The following NEK10 variants were observed in gnomAD, a reference collection of about 807,000 sequenced individuals.
The protein encoded by NEK10 is NIMA related kinase 10, also known as serine/threonine-protein kinase Nek10.
In NEK10, 122 loss-of-function variants were observed where a neutral mutation model predicts 159.8. That is an observed-to-expected ratio of 0.76 (90% CI 0.66 to 0.89). The LOEUF (loss-of-function observed/expected upper bound fraction) is 0.89. Among genes scored for constraint, NEK10 ranks in the 40% least tolerant of loss-of-function variants. The pLI, the probability that NEK10 is intolerant of heterozygous loss-of-function variation, is 0.00. For synonymous variants in NEK10, 466 were observed against 457.1 expected, an observed-to-expected ratio of 1.02 and a Z score of -0.25; for missense variants, 1,342 against 1,323.1, an observed-to-expected ratio of 1.01 and a Z score of -0.22.
intron 5 of NEK10, among the ~76,000 whole-genome samples, chr3:27,342,212 T>C (rs2047247125): frequency 1.3e-5 from 2 of 152,062 alleles, no homozygotes; most frequent in South Asian, 2.1e-4. Context: ...ATCTAAGCCT[T>C]CAACCCAACA....
chr3:27,250,228 C>T (rs1955510621), intron 23 of NEK10, among the ~76,000 whole-genome samples: 1 of 151,548 alleles, frequency 6.6e-6, no homozygotes, highest in East Asian at 1.9e-4. Context: ...TCTCTGTCAC[C>T]CAGGCTGGAG....
chr3:27,139,093 T>G (rs894406711), intron 31 of NEK10, among the ~76,000 whole-genome samples: 4 of 152,198 alleles, frequency 2.6e-5, no homozygotes, highest in African/African-American at 4.8e-5. Context: ...TAATCGAAAT[T>G]TAATCGAGCA....
At chr3:27,236,815 G>C (rs1352003976) in intron 23 of NEK10, among the ~76,000 whole-genome samples, 1 of 152,142 alleles carries the variant, frequency 6.6e-6, no homozygotes, top group Non-Finnish European at 1.5e-5. Context: ...GTTCAGCTGT[G>C]CACATATTGT....
At chr3:27,203,359 G>A (rs1056085390) in intron 23 of NEK10, among the ~76,000 whole-genome samples, 3 of 152,168 alleles carry the variant, frequency 2.0e-5, no homozygotes, top group African/African-American at 7.2e-5. Flanking sequence ...TAAATATGTT[G>A]CGGGAAATGA....
At chr3:27,349,689 A>T (rs2047829839) in intron 3 of NEK10, among the ~76,000 whole-genome samples, 2 of 152,294 alleles carry the variant, frequency 1.3e-5, no homozygotes, top group South Asian at 4.1e-4. Context: ...AAATAATCTG[A>T]ATTCCAGGTC....
At chr3:27,138,060 T>C (rs192422216) in intron 31 of NEK10, among the ~76,000 whole-genome samples, 125 of 152,308 alleles carry the variant, frequency 8.2e-4, no homozygotes, top group Non-Finnish European at 1.5e-3. Context: ...TGAAGGAGGA[T>C]GGATCTTGTT....
rs750312932 is a variant in NEK10 at position 27,192,073 on chromosome 3, G to A, written c.2461C>T (p.Arg821Trp). 1.4e-5 allele frequency: 23 copies of A among 1,614,012 alleles called. No individual in the cohort carries two copies. The highest frequency in any genetic ancestry group is 1.0e-4 in the Admixed American group (6 of 59,990). Reference protein sequence around the residue: ...RTQRYFMEANRNTVTCHHELA... With the variant: ...RTQRYFMEANWNTVTCHHELA... ...TCATGGTGACATGTGACGGTGTTCCGGTTGGCTTCCATAAAATACCTTTGT... is the reference window on the plus strand; with the variant it reads ...TCATGGTGACATGTGACGGTGTTCCAGTTGGCTTCCATAAAATACCTTTGT... Residue 821 changes from arginine (R) to tryptophan (W), a missense_variant, in exon 26 of 36, where the codon CGG (arginine) becomes TGG (tryptophan). Coordinates refer to ENST00000691995, the MANE Select transcript of NEK10 (RefSeq NM_001394966.1).
intron 29 of NEK10, among the ~76,000 whole-genome samples, chr3:27,167,554 T>C (rs1404179845): frequency 6.6e-6 from 1 of 152,200 alleles, no homozygotes; most frequent in Non-Finnish European, 1.5e-5. Flanking sequence ...TAAGTTGAAA[T>C]AACATGCTAT....
At chr3:27,210,041 A>G (rs1223217488) in intron 23 of NEK10, among the ~76,000 whole-genome samples, 1 of 151,348 alleles carries the variant, frequency 6.6e-6, no homozygotes, top group Non-Finnish European at 1.5e-5. Flanking sequence ...CTGATAAGAG[A>G]CATTTTACCA....
At position 27,109,378 on chromosome 3, in the gene NEK10, T is replaced by TA. The variant is rs369638958; in HGVS notation, c.*1893dup. Among the ~76,000 whole-genome samples, 43,478 of 117,044 alleles carry TA rather than the reference T, an allele frequency of 0.37. 9,328 individuals carry two copies. The highest frequency in any genetic ancestry group is 0.73 in the East Asian group (2,807 of 3,864). 76.8% of individuals were successfully genotyped at this position (117,044 alleles called of 152,430 possible). A position where few individuals can be genotyped will look rare whatever the true frequency, so the allele number is the denominator to read the frequency against. ...TGGGCAACAGAGTGAGACTCTGTCT[T>TA]AAAAAAAAAAAAAAAAAAAAAGAGT... On this transcript the variant is annotated 3_prime_UTR_variant, in exon 36 of 36. Transcript: ENST00000691995.
chr3:27,343,033 T>C (rs2047309247), intron 5 of NEK10, among the ~76,000 whole-genome samples: 1 of 152,162 alleles, frequency 6.6e-6, no homozygotes, highest in South Asian at 2.1e-4. Context: ...TTTAGGCTTC[T>C]TGTATAACTG....
At chr3:27,255,723 T>G (rs1336722797) in intron 23 of NEK10, among the ~76,000 whole-genome samples, 1 of 152,174 alleles carries the variant, frequency 6.6e-6, no homozygotes, top group South Asian at 2.1e-4. Context: ...TGTCTCGATT[T>G]ATCAAAATAT....
rs192315087 is a variant in NEK10, at chr3:27,143,020, G to A, written c.2870-1438C>T. Among the ~76,000 whole-genome samples the A allele has an allele frequency of 1.8e-3, 270 of 152,168 alleles. 2 individuals are homozygous for A. The highest frequency in any genetic ancestry group is 3.0e-3 in the Non-Finnish European group (207 of 68,010). On this transcript the variant is annotated intron_variant, in intron 30 of 35. Coordinates refer to ENST00000691995, the MANE Select transcript of NEK10 (RefSeq NM_001394966.1). ...TATGAGGTTTAATAAATACCCTTGG[G>A]ATAAAAATGTAAAGAGGCAAATAGA...
In NEK10 at chr3:27,152,602, C is replaced by CA. The variant is rs565800978; in HGVS notation, c.2869+10098dup. The stretch of plus-strand genomic sequence containing the variant: ...CAAGTTAAAAAGCAAAACCAAAAAA[C>CA]AAAAAAAAAACAAAAGTACACAGGA... On this transcript the variant is annotated intron_variant, in intron 30 of 35. Transcript: ENST00000691995. Among the ~76,000 whole-genome samples, 1,024 of 144,972 alleles carry CA rather than the reference C, an allele frequency of 7.1e-3. 10 individuals are homozygous for CA. The highest frequency in any genetic ancestry group is 0.023 in the African/African-American group (905 of 39,638).
intron 20 of NEK10, among the ~76,000 whole-genome samples, chr3:27,287,275 C>T (rs966683712): frequency 6.6e-6 from 1 of 152,128 alleles, no homozygotes; most frequent in Non-Finnish European, 1.5e-5. Context: ...GTGGCATTTA[C>T]CTGAACTTCA....
intron 23 of NEK10, among the ~76,000 whole-genome samples, chr3:27,244,594 T>A (rs1575424505): frequency 6.6e-6 from 1 of 152,146 alleles, no homozygotes; most frequent in Admixed American, 6.5e-5. Flanking sequence ...GACTAACCAG[T>A]AGAGCCTATC....
rs9835153 is a variant in NEK10, at chr3:27,342,031, T to G, written c.362+2241A>C. Among the ~76,000 whole-genome samples the G allele has an allele frequency of 3.8e-3, 574 of 152,260 alleles. 6 individuals carry two copies. The highest frequency in any genetic ancestry group is 0.013 in the African/African-American group (524 of 41,544). On this transcript the variant is annotated intron_variant, in intron 5 of 35. Transcript: ENST00000691995. ...CAAATTGTGTATATTTAGTACATTT[T>G]CCTTTATTGTGTAATTGTCTTGCTG...
At chr3:27,198,193 A>G (rs1949726063) in intron 25 of NEK10, among the ~76,000 whole-genome samples, 1 of 152,188 alleles carries the variant, frequency 6.6e-6, no homozygotes, top group African/African-American at 2.4e-5. Context: ...CATTAAAATG[A>G]CAATACTGCC....
chr3:27,256,845 T>C (rs1262528755), intron 22 of NEK10, among the ~76,000 whole-genome samples: 2 of 151,940 alleles, frequency 1.3e-5, no homozygotes, highest in Admixed American at 6.6e-5. Context: ...ACACCAAATA[T>C]CTATATGTAA....
Sources: gnomAD v4.1 joint callset for allele counts (sites outside exome capture counted in the v4.1 genomes callset) on GRCh38, gnomAD v4.1.1 for gene constraint, MANE v1.5 for transcripts, NCBI Gene and HGNC (gene_info 2026-07-23, HGNC 2026-07-21) for gene names.